The following OPCML variants were observed in gnomAD, a reference collection of about 807,000 sequenced individuals.
The protein encoded by OPCML is opioid-binding protein/cell adhesion molecule.
OPCML carries 13 observed loss-of-function variants against 37.8 expected under a neutral mutation model. The ratio of observed to expected loss-of-function variants is 0.34; its 90% CI spans 0.22 to 0.55. OPCML has a LOEUF of 0.55. OPCML is among the 20% of genes least tolerant of loss of function. The pLI is 0.91. For synonymous variants in OPCML, 176 were observed against 168.8 expected (o/e 1.04, Z -0.33); for missense variants, 341 against 435.6 (o/e 0.78, Z 1.93).
At chr11:132,953,776 G>T (rs1945914752) in intron 1 of OPCML, among the ~76,000 whole-genome samples, 1 of 152,218 alleles carries the variant, frequency 6.6e-6, no homozygotes, top group South Asian at 2.1e-4. Context: ...CCCCCTGAGA[G>T]CTGGGGGTCC....
chr11:133,331,247 G>T (rs1020885469), intron 1 of OPCML, among the ~76,000 whole-genome samples: 1 of 152,206 alleles, frequency 6.6e-6, no homozygotes, highest in Admixed American at 6.5e-5. Context: ...TGGTAAGCTG[G>T]TAAGTTGCAA....
At chr11:133,481,477 A>AAAT (rs1439128581) in intron 1 of OPCML, among the ~76,000 whole-genome samples, 2 of 149,726 alleles carry the variant, frequency 1.3e-5, no homozygotes, top group African/African-American at 5.1e-5. Context: ...ATAAATAAAT[A>AAAT]AATGTATGTA....
intron 1 of OPCML, among the ~76,000 whole-genome samples, chr11:132,964,492 T>C (rs1456127899): frequency 6.6e-6 from 1 of 152,098 alleles, no homozygotes; most frequent in African/African-American, 2.4e-5. Context: ...ACCTGAAAAA[T>C]GAGGATGATA....
At chr11:133,247,792 G>A (rs11223411) in intron 1 of OPCML, among the ~76,000 whole-genome samples, 14,232 of 151,830 alleles carry the variant, frequency 0.094, 838 homozygotes, top group Middle Eastern at 0.19. Flanking sequence ...TAGTAGAGAC[G>A]GGGTTTCACC....
intron 1 of OPCML, among the ~76,000 whole-genome samples, chr11:133,134,585 C>G (rs1362558210): frequency 6.6e-6 from 1 of 152,230 alleles, no homozygotes; most frequent in Admixed American, 6.5e-5. Flanking sequence ...TCTTGGCCCT[C>G]TCTTCCTGCT....
rs1387709600 is a variant in OPCML at position 133,206,222 on chromosome 11, G to T, written c.62-263212C>A. On this transcript the variant is annotated intron_variant, in intron 1 of 7. Coordinates refer to ENST00000524381, the MANE Select transcript of OPCML (RefSeq NM_001012393.5). The surrounding 1 kb of genome is among the most constrained non-coding windows in gnomAD (Gnocchi z 4.7). Reference sequence around the variant, plus strand: ...AACGTCATCAATGCTCAATGAATGCGAGCAGTACATTAAAGATCAGCAGTA... The same window carrying T: ...AACGTCATCAATGCTCAATGAATGCTAGCAGTACATTAAAGATCAGCAGTA... Among the ~76,000 whole-genome samples, 1 of 152,124 alleles carries T rather than the reference G, an allele frequency of 6.6e-6. No homozygotes were observed.
intron 4 of OPCML, among the ~76,000 whole-genome samples, chr11:132,454,501 C>G (rs1291405918): frequency 6.6e-6 from 1 of 152,190 alleles, no homozygotes; most frequent in Admixed American, 6.5e-5. Flanking sequence ...AACAGCCCCT[C>G]TACTGCGGAG....
At chr11:132,896,881 T>C (rs937710930) in intron 2 of OPCML, among the ~76,000 whole-genome samples, 6 of 152,240 alleles carry the variant, frequency 3.9e-5, no homozygotes, top group Non-Finnish European at 8.8e-5. Context: ...GTCAAGATAT[T>C]CCTTCTAAGA....
At chr11:132,471,316 C>A (rs1327234687) in intron 4 of OPCML, among the ~76,000 whole-genome samples, 1 of 152,174 alleles carries the variant, frequency 6.6e-6, no homozygotes, top group Non-Finnish European at 1.5e-5. Flanking sequence ...TCAGGTACTG[C>A]TCCTGTTCTC....
intron 1 of OPCML, among the ~76,000 whole-genome samples, chr11:133,045,393 G>A (rs985814949): frequency 1.3e-5 from 2 of 152,146 alleles, no homozygotes. Flanking sequence ...AGGGACCCAC[G>A]CACCCCGGAG....
In OPCML at chr11:132,610,649, G is replaced by A. The variant is rs115820462; in HGVS notation, c.379+46438C>T. Among the ~76,000 whole-genome samples, 443 of 152,212 alleles carry A rather than the reference G, an allele frequency of 2.9e-3. 4 individuals are homozygous for A. The highest frequency in any genetic ancestry group is 0.01 in the African/African-American group (430 of 41,534). Reference sequence around the variant, plus strand: ...TGCTCGATGGTCTTTGTCATTACTTGCAGCCAAAGAAACCACATCATTATT... The same window carrying A: ...TGCTCGATGGTCTTTGTCATTACTTACAGCCAAAGAAACCACATCATTATT... On this transcript the variant is annotated intron_variant, in intron 3 of 7. Coordinates refer to ENST00000524381, the MANE Select transcript of OPCML (RefSeq NM_001012393.5).
rs1007651592 is a variant in OPCML, at chr11:133,388,027, C to G, written c.61+144237G>C. Reference sequence around the variant, plus strand: ...GTTAGAGAGCTTTGGAGGGGCAGATCGTATGGGGCCCTTGAGTCTGCCCAT... The same window carrying G: ...GTTAGAGAGCTTTGGAGGGGCAGATGGTATGGGGCCCTTGAGTCTGCCCAT... On this transcript the variant is annotated intron_variant, in intron 1 of 7. Transcript: ENST00000524381. Among the ~76,000 whole-genome samples, 25 of 152,198 alleles carry G rather than the reference C, an allele frequency of 1.6e-4. 1 individual carries two copies. In the South Asian group the frequency reaches 2.7e-3, roughly 16 times the overall value.
At chr11:133,332,419 C>A (rs1472608663) in intron 1 of OPCML, among the ~76,000 whole-genome samples, 1 of 152,084 alleles carries the variant, frequency 6.6e-6, no homozygotes, top group African/African-American at 2.4e-5. Flanking sequence ...CCCTTTATTT[C>A]TTTCTCTTGC....
chr11:132,658,513 A>T (rs1941812750), intron 2 of OPCML, among the ~76,000 whole-genome samples: 1 of 152,026 alleles, frequency 6.6e-6, no homozygotes, highest in African/African-American at 2.4e-5. Context: ...CAGAACCATG[A>T]CCCTCTAGAA....
At chr11:133,079,261 G>A (rs190438515) in intron 1 of OPCML, among the ~76,000 whole-genome samples, 2 of 152,130 alleles carry the variant, frequency 1.3e-5, no homozygotes, top group African/African-American at 4.8e-5. Context: ...GGCAAGAATG[G>A]ATCCATGGAG....
chr11:132,516,697 G>T (rs193080396), intron 4 of OPCML, among the ~76,000 whole-genome samples: 1 of 96,776 alleles, frequency 1.0e-5, no homozygotes, highest in African/African-American at 4.0e-5. Context: ...AGTAATGAGA[G>T]GTTGATCATG....
intron 2 of OPCML, among the ~76,000 whole-genome samples, chr11:132,937,444 C>A (rs997138885): frequency 2.6e-5 from 4 of 151,968 alleles, no homozygotes; most frequent in Admixed American, 2.6e-4. Context: ...TGCTTTAAAA[C>A]GTCTTCTCCC....
chr11:133,274,699 C>T (rs1339246170), intron 1 of OPCML, among the ~76,000 whole-genome samples: 1 of 152,228 alleles, frequency 6.6e-6, no homozygotes, highest in South Asian at 2.1e-4. Context: ...CCCCAACTTC[C>T]AGGAGCACAG....
rs1004549307 is a variant in OPCML, at chr11:133,338,795, G to A, written c.61+193469C>T. 2.6e-5 allele frequency among the ~76,000 whole-genome samples: 4 copies of A among 152,190 alleles called. 1 individual carries two copies. In the South Asian group the frequency reaches 6.2e-4, roughly 24 times the overall value. On this transcript the variant is annotated intron_variant, in intron 1 of 7. Transcript: ENST00000524381. ...TCTGCTAGGGAAAAGCTTTGCCCAC[G>A]CACCAGGAACTGGCCTGGCCAGCAG...
Sources: allele counts gnomAD v4.1 joint callset (sites outside exome capture counted in the v4.1 genomes callset), GRCh38; gene constraint gnomAD v4.1.1; non-coding constraint Gnocchi (gnomAD v3.1); transcripts MANE v1.5; gene names NCBI Gene and HGNC (gene_info 2026-07-23, HGNC 2026-07-21).